Variants in IL1RAPL2 observed in about 807,000 individuals in gnomAD.
The protein encoded by IL1RAPL2 is interleukin 1 receptor accessory protein like 2.
Under a neutral mutation model 44.1 loss-of-function variants are expected in IL1RAPL2, and 3 were observed. That is an observed-to-expected ratio of 0.07 (90% CI 0.03 to 0.18). The LOEUF (loss-of-function observed/expected upper bound fraction) is 0.18, where lower values mean the gene tolerates loss of function less well. Ranked by LOEUF, IL1RAPL2 falls within the 10% of genes least tolerant of loss-of-function variation. IL1RAPL2 has a pLI of 1.00. For synonymous variants in IL1RAPL2, 181 were observed against 178.8 expected, an observed-to-expected ratio of 1.01 and a Z score of -0.10; for missense variants, 391 against 496.4, an observed-to-expected ratio of 0.79 and a Z score of 2.02.
intron 2 of IL1RAPL2, among the ~76,000 whole-genome samples, chrX:104,842,660 G>A (rs1046458198): frequency 8.9e-5 from 10 of 112,129 alleles, no homozygotes; most frequent in African/African-American, 3.2e-4. Flanking sequence ...CTCTTCTGTA[G>A]GTCTATTGCA....
At chrX:105,029,295 C>A (rs906140950) in intron 2 of IL1RAPL2, among the ~76,000 whole-genome samples, 1 of 104,616 alleles carries the variant, frequency 9.6e-6, no homozygotes, top group African/African-American at 3.5e-5. Flanking sequence ...TACATGTGCA[C>A]AATGTGCAGG....
intron 6 of IL1RAPL2, among the ~76,000 whole-genome samples, chrX:105,709,394 A>C (rs1293930928): frequency 1.8e-5 from 2 of 112,068 alleles, no homozygotes; most frequent in African/African-American, 6.5e-5. Context: ...ACAGAGATTT[A>C]CATGCTTTTT....
chrX:105,449,441 G>A lies in IL1RAPL2; in HGVS notation c.698-34872G>A, dbSNP rs192112278. Among the ~76,000 whole-genome samples, 270 of 111,003 alleles carry A rather than the reference G, an allele frequency of 2.4e-3. 1 individual carries two copies. Among genetic ancestry groups the A allele is most frequent in the South Asian group, 0.02 (53 of 2,595 alleles). Reference sequence around the variant, plus strand: ...CTACTAAAAATACAAAAAATTAGCCGGGCATGGTGGCGGGCTCCTGTAGTC... The same window carrying A: ...CTACTAAAAATACAAAAAATTAGCCAGGCATGGTGGCGGGCTCCTGTAGTC... On this transcript the variant is annotated intron_variant, in intron 5 of 10. Coordinates refer to ENST00000372582, the MANE Select transcript of IL1RAPL2 (RefSeq NM_017416.2).
intron 1 of IL1RAPL2, among the ~76,000 whole-genome samples, chrX:104,585,242 TATATG>T (rs1928489932): frequency 2.6e-5 from 1 of 39,030 alleles, no homozygotes; most frequent in African/African-American, 1.2e-4. Flanking sequence ...ATATATATAA[TATATG>T]ATATATAATA....
chrX:104,714,967 T>A (rs1164418800), intron 2 of IL1RAPL2, among the ~76,000 whole-genome samples: 1 of 111,127 alleles, frequency 9.0e-6, no homozygotes, highest in Non-Finnish European at 1.9e-5. Context: ...TCTGCAAGGT[T>A]TTGGTAACAG....
At chrX:105,151,074 G>A (rs896339413) in intron 2 of IL1RAPL2, among the ~76,000 whole-genome samples, 1 of 111,854 alleles carries the variant, frequency 8.9e-6, no homozygotes, top group Non-Finnish European at 1.9e-5. Context: ...TTGATAAAAA[G>A]TTGATCAAAG....
At chrX:104,790,625 A>G (rs1049953846) in intron 2 of IL1RAPL2, among the ~76,000 whole-genome samples, 3 of 110,750 alleles carry the variant, frequency 2.7e-5, no homozygotes, top group Non-Finnish European at 5.7e-5. Context: ...TTGTTATTAT[A>G]AAAGTAATAT....
chrX:104,663,815 C>A (rs999067213), intron 2 of IL1RAPL2, among the ~76,000 whole-genome samples: 1 of 104,901 alleles, frequency 9.5e-6, no homozygotes, highest in Non-Finnish European at 1.9e-5. Flanking sequence ...AATGTGTGGC[C>A]AGAATTGAGC....
chrX:105,736,629 T>A (rs2038451835), intron 7 of IL1RAPL2, among the ~76,000 whole-genome samples: 1 of 111,042 alleles, frequency 9.0e-6, no homozygotes, highest in African/African-American at 3.3e-5. Context: ...ATGCTCAACA[T>A]CACTAAGCAT....
chrX:104,881,113 T>G (rs1923058242), intron 2 of IL1RAPL2, among the ~76,000 whole-genome samples: 1 of 112,003 alleles, frequency 8.9e-6, no homozygotes, highest in African/African-American at 3.2e-5. Context: ...CGTAAAATTT[T>G]TATAAAAATG....
At chrX:105,387,870 C>A in intron 5 of IL1RAPL2, among the ~76,000 whole-genome samples, 1 of 108,694 alleles carries the variant, frequency 9.2e-6, no homozygotes. Context: ...GTAATTGGGC[C>A]GGGCGCAGTG....
chrX:105,054,867 T>C (rs762133939), intron 2 of IL1RAPL2, among the ~76,000 whole-genome samples: 1 of 112,347 alleles, frequency 8.9e-6, no homozygotes, highest in African/African-American at 3.2e-5. Flanking sequence ...AAAGAAGATA[T>C]CTGAATTTAT....
chrX:104,570,267 G>A (rs1252852072), intron 1 of IL1RAPL2, among the ~76,000 whole-genome samples: 1 of 112,012 alleles, frequency 8.9e-6, no homozygotes, highest in Admixed American at 9.5e-5. Context: ...AGCCAACTTG[G>A]TAGAGAAAGG....
At chrX:105,373,844 C>T (rs1359826115) in intron 5 of IL1RAPL2, among the ~76,000 whole-genome samples, 3 of 110,367 alleles carry the variant, frequency 2.7e-5, no homozygotes, top group South Asian at 3.9e-4. Context: ...CTGGTCTGGG[C>T]GCAGTGGCTC....
At chrX:104,773,040 G>A (rs1415954509) in intron 2 of IL1RAPL2, among the ~76,000 whole-genome samples, 2 of 110,969 alleles carry the variant, frequency 1.8e-5, no homozygotes, top group African/African-American at 6.6e-5. Context: ...CTCCCAAGTA[G>A]CTGGGGCTAC....
At chrX:104,649,927 A>C in intron 1 of IL1RAPL2, among the ~76,000 whole-genome samples, 1 of 112,299 alleles carries the variant, frequency 8.9e-6, no homozygotes. Context: ...ATTGAAGCAT[A>C]ACATCATTAC....
intron 2 of IL1RAPL2, among the ~76,000 whole-genome samples, chrX:105,013,433 T>C (rs1333236073): frequency 9.0e-6 from 1 of 110,542 alleles, no homozygotes; most frequent in Non-Finnish European, 1.9e-5. Flanking sequence ...AGGAACTGCA[T>C]TGAAAGAGGT....
chrX:104,734,238 G>A (rs1341429629), intron 2 of IL1RAPL2, among the ~76,000 whole-genome samples: 1 of 112,317 alleles, frequency 8.9e-6, no homozygotes, highest in Non-Finnish European at 1.9e-5. Context: ...AAAACAGTTT[G>A]GCAGTTTCTT....
At chrX:105,473,156 C>T (rs977913045) in intron 5 of IL1RAPL2, among the ~76,000 whole-genome samples, 1 of 111,739 alleles carries the variant, frequency 8.9e-6, no homozygotes, top group Non-Finnish European at 1.9e-5. Context: ...GGTTCTGGCT[C>T]TTAGTAGCCA....
Sources: gnomAD v4.1 joint callset for allele counts (sites outside exome capture counted in the v4.1 genomes callset) on GRCh38, gnomAD v4.1.1 for gene constraint, MANE v1.5 for transcripts, NCBI Gene and HGNC (gene_info 2026-07-23, HGNC 2026-07-21) for gene names.